Variants in PAG1 observed in about 807,000 individuals in gnomAD.
PAG1 encodes phosphoprotein membrane anchor with glycosphingolipid microdomains 1, also known as phosphoprotein associated with glycosphingolipid-enriched microdomains 1.
PAG1 carries 23 observed loss-of-function variants against 31.7 expected under a neutral mutation model. The ratio of observed to expected loss-of-function variants is 0.73; its 90% confidence interval spans 0.52 to 1.03. The LOEUF is 1.03. PAG1 is among the 50% of genes least tolerant of loss of function. PAG1 has a pLI of 0.00. For synonymous variants in PAG1, 214 were observed against 210.3 expected, an observed-to-expected ratio of 1.02 and a Z score of -0.15; for missense variants, 473 against 540.7, an observed-to-expected ratio of 0.87 and a Z score of 1.24.
intron 3 of PAG1, 49 bp from the exon 4 acceptor site, chr8:80,993,356 A>G: frequency 1.0e-6 from 1 of 954,280 alleles, no homozygotes; most frequent in Non-Finnish European, 1.5e-6. Context: ...GTAAAGTGGC[A>G]GAATCTGTAA....
intron 1 of PAG1, among the ~76,000 whole-genome samples, chr8:81,079,210 A>G (rs1809225572): frequency 6.6e-6 from 1 of 152,050 alleles, no homozygotes; most frequent in South Asian, 2.1e-4. Context: ...TAATTTCTGC[A>G]TTGATATAGG....
Position 80,985,185 on chromosome 8 carries a change from C to A in PAG1, c.467G>T (p.Gly156Val). The A allele has an allele frequency of 6.2e-7, 1 of 1,614,096 alleles. No individual in the cohort carries two copies. The highest frequency in any genetic ancestry group is 1.3e-5 in the African/African-American group (1 of 75,020). ...LTARSVDGDQ[G>V]LGMEGPYEVL... ...TTCATAGGGCCCTTCCATCCCCAGC[C>A]CCTGGTCCCCGTCCACACTTCTCGC... Residue 156 changes from glycine (G) to valine (V), a missense_variant, in exon 7 of 9, where the codon GGG (glycine) becomes GTG (valine). Physicochemically the swap from Gly to Val is moderately radical, Grantham distance 109. Transcript: ENST00000220597.
intron 7 of PAG1, among the ~76,000 whole-genome samples, chr8:80,983,120 C>G (rs1807341633): frequency 6.6e-6 from 1 of 152,188 alleles, no homozygotes; most frequent in Non-Finnish European, 1.5e-5. Flanking sequence ...TTGCTCTTCC[C>G]TCTCCACCCA....
chr8:81,030,964 A>T (rs967730800), intron 2 of PAG1, among the ~76,000 whole-genome samples: 1 of 152,238 alleles, frequency 6.6e-6, no homozygotes, highest in African/African-American at 2.4e-5. Context: ...TTGGCTGTTG[A>T]CTAAGATTCA....
rs1357871494 is a variant in PAG1, at chr8:81,051,245, G to A, written c.-175+18867C>T. On this transcript the variant is annotated intron_variant, in intron 2 of 8. Transcript: ENST00000220597. ...AGTGTCCCTGTTAGATGTGATAAGA[G>A]GAAATAGAAAAATGAGAACAGAGAA... Among the ~76,000 whole-genome samples, 6 of 152,214 alleles carry A rather than the reference G, an allele frequency of 3.9e-5. No homozygotes were observed. The South Asian group carries it at 6.2e-4, about 16-fold the overall frequency.
At chr8:81,063,656 G>A (rs1215644879) in intron 2 of PAG1, among the ~76,000 whole-genome samples, 1 of 152,106 alleles carries the variant, frequency 6.6e-6, no homozygotes, top group African/African-American at 2.4e-5. Flanking sequence ...CTCCATTAAT[G>A]ACCAGGTGTT....
chr8:81,065,205 A>C (rs1374393395), intron 2 of PAG1, among the ~76,000 whole-genome samples: 1 of 152,250 alleles, frequency 6.6e-6, no homozygotes, highest in Non-Finnish European at 1.5e-5. Context: ...TAGCTGAGCT[A>C]ATCATCTGCA....
Position 81,091,068 on chromosome 8 carries a change from C to T in PAG1, c.-234+20523G>A, listed in dbSNP as rs145979323. On this transcript the variant is annotated intron_variant, in intron 1 of 8. Transcript: ENST00000220597. ...TAAGGGTCTAAACTAAGAGAATGGC[C>T]GAAGGATTTGAAATCAAAAGCAGAT... Among the ~76,000 whole-genome samples, 480 of 152,060 alleles carry T rather than the reference C, an allele frequency of 3.2e-3. 11 individuals carry two copies. The highest frequency in any genetic ancestry group is 0.027 in the Admixed American group (416 of 15,280).
intron 2 of PAG1, among the ~76,000 whole-genome samples, chr8:81,051,657 G>A (rs1188438748): frequency 6.6e-6 from 1 of 152,098 alleles, no homozygotes; most frequent in African/African-American, 2.4e-5. Context: ...CAACTTTATA[G>A]AAAACAGAGA....
rs1012598486 is a variant in PAG1, at chr8:81,063,181, T to C, written c.-175+6931A>G. On this transcript the variant is annotated intron_variant, in intron 2 of 8. Coordinates refer to ENST00000220597, the MANE Select transcript of PAG1 (RefSeq NM_018440.4). ...GGGCCTGGGCAGGGCCATTCCAGCC[T>C]GCGTGGGTCTCCTCTATTCGAGGCT... Among the ~76,000 whole-genome samples, 6 of 152,228 alleles carry C rather than the reference T, an allele frequency of 3.9e-5. No individual in the cohort carries two copies. In the East Asian group the frequency reaches 1.2e-3, roughly 29 times the overall value.
intron 1 of PAG1, among the ~76,000 whole-genome samples, chr8:81,083,978 T>A (rs575882853): frequency 2.2e-4 from 33 of 151,362 alleles, no homozygotes; most frequent in African/African-American, 7.8e-4. Flanking sequence ...GAGGTTGTAG[T>A]GAGCCAAGAT....
At chr8:81,065,165 C>T (rs1808982907) in intron 2 of PAG1, among the ~76,000 whole-genome samples, 1 of 152,182 alleles carries the variant, frequency 6.6e-6, no homozygotes, top group Non-Finnish European at 1.5e-5. Context: ...CTCAATGGCA[C>T]AATTTCTAAG....
At chr8:81,026,705 G>A (rs1808286651) in intron 3 of PAG1, among the ~76,000 whole-genome samples, 1 of 152,042 alleles carries the variant, frequency 6.6e-6, no homozygotes, top group Non-Finnish European at 1.5e-5. Context: ...CATGGCTGCT[G>A]AGTCACAGAT....
chr8:81,092,402 G>A (rs115554294), intron 1 of PAG1, among the ~76,000 whole-genome samples: 2,645 of 152,116 alleles, frequency 0.017, 76 homozygotes, highest in African/African-American at 0.06. Flanking sequence ...AAATCCATTT[G>A]TGAATATTAA....
chr8:81,004,849 T>C (rs947428087), intron 3 of PAG1, among the ~76,000 whole-genome samples: 1 of 152,300 alleles, frequency 6.6e-6, no homozygotes, highest in African/African-American at 2.4e-5. Flanking sequence ...AGCCTTTGCA[T>C]GTTCACACGG....
chr8:81,050,912 G>A (rs148072411), intron 2 of PAG1, among the ~76,000 whole-genome samples: 1 of 152,202 alleles, frequency 6.6e-6, no homozygotes, highest in Non-Finnish European at 1.5e-5. Flanking sequence ...CAGTCTTACA[G>A]AATTGAACAA....
At position 81,112,063 on chromosome 8, in the gene PAG1, G is replaced by C. The variant is rs1242247874; in HGVS notation, c.-706C>G. The C allele has an allele frequency of 6.6e-6, 1 of 152,174 alleles. No individual in the cohort carries two copies. Among genetic ancestry groups the C allele is most frequent in the African/African-American group, 2.4e-5 (1 of 41,450 alleles). 9.4% of individuals were successfully genotyped at this position (152,174 alleles called of 1,614,324 possible). On this transcript the variant is annotated 5_prime_UTR_variant, in exon 1 of 9. Transcript: ENST00000220597. ...AGCCAGCACTCGCCGCCGCGCCGCGGAGAATGACAGGCGCCGAGGCGGAGC... is the reference window on the plus strand; with the variant it reads ...AGCCAGCACTCGCCGCCGCGCCGCGCAGAATGACAGGCGCCGAGGCGGAGC...
At chr8:81,070,729 C>T (rs1809079375) in intron 1 of PAG1, among the ~76,000 whole-genome samples, 1 of 150,896 alleles carries the variant, frequency 6.6e-6, no homozygotes, top group South Asian at 2.1e-4. Context: ...TATTTAATGT[C>T]TTCATCTTTA....
chr8:81,097,083 A>G (rs1223511891), intron 1 of PAG1, among the ~76,000 whole-genome samples: 2 of 152,216 alleles, frequency 1.3e-5, no homozygotes, highest in Non-Finnish European at 2.9e-5. Flanking sequence ...ATTACACCCT[A>G]TGCACCAGTG....
Sources: allele counts gnomAD v4.1 joint callset (sites outside exome capture counted in the v4.1 genomes callset), GRCh38; gene constraint gnomAD v4.1.1; transcripts MANE v1.5; gene names NCBI Gene and HGNC (gene_info 2026-07-23, HGNC 2026-07-21).